Variants in EVC2 observed in about 807,000 individuals in gnomAD.
EVC2 encodes the protein EvC ciliary complex subunit 2.
EVC2 carries 148 observed loss-of-function variants against 149.3 expected under a neutral mutation model. The ratio of observed to expected loss-of-function variants is 0.99; its 90% confidence interval spans 0.87 to 1.14. The LOEUF (loss-of-function observed/expected upper bound fraction) is 1.14, where lower values mean the gene tolerates loss of function less well. EVC2 is among the 50% of genes most tolerant of loss of function. The probability of loss-of-function intolerance (pLI) is 0.00; values close to 1 mark genes in which losing one functional copy is unlikely to be tolerated. For synonymous variants in EVC2, 776 were observed against 649.9 expected (o/e 1.19, Z -2.95); for missense variants, 1,854 against 1,627.3 (o/e 1.14, Z -2.40).
intron 9 of EVC2, among the ~76,000 whole-genome samples, chr4:5,641,253 G>C (rs1452400804): frequency 6.6e-6 from 1 of 151,702 alleles, no homozygotes; most frequent in Non-Finnish European, 1.5e-5. Flanking sequence ...GAATCCCAGA[G>C]CAAAAAAAAG....
intron 5 of EVC2, among the ~76,000 whole-genome samples, chr4:5,688,147 G>C (rs4689277): frequency 0.61 from 92,869 of 151,980 alleles, 28,571 homozygotes; most frequent in Non-Finnish European, 0.64. Context: ...TCATTTAAAT[G>C]AGAGCCAGCA....
At chr4:5,568,295 A>C in intron 20 of EVC2, 149 bp downstream of exon 20, 3 of 857,432 alleles carry the variant, frequency 3.5e-6, no homozygotes, top group Non-Finnish European at 5.2e-6. Context: ...GGGTGAACTT[A>C]TTTTCTTAAG....
At position 5,567,679 on chromosome 4, in the gene EVC2, C is replaced by T. The variant is rs1285442482; in HGVS notation, c.3557+765G>A. Among the ~76,000 whole-genome samples the T allele has an allele frequency of 6.6e-6, 1 of 151,910 alleles. No homozygotes were observed. The highest frequency in any genetic ancestry group is 1.5e-5 in the Non-Finnish European group (1 of 67,996). On this transcript the variant is annotated intron_variant, in intron 20 of 21. Transcript: ENST00000344408. The surrounding 1 kb of genome is among the most constrained non-coding windows in gnomAD (Gnocchi z 4.4). ...ACCAAATTCACACCTGGGGCCCCAT[C>T]CTAAAGGAGACTGTCTATGCAGAGT...
intron 9 of EVC2, among the ~76,000 whole-genome samples, chr4:5,646,588 G>C (rs1285491959): frequency 2.0e-5 from 3 of 152,170 alleles, no homozygotes; most frequent in Admixed American, 6.5e-5. Flanking sequence ...AAAGTTCATA[G>C]AGATGTATAA....
At chr4:5,533,095 T>C in the EVC2 span, among the ~76,000 whole-genome samples, 2 of 149,530 alleles carry the variant, frequency 1.3e-5, no homozygotes, top group Admixed American at 6.7e-5. Flanking sequence ...GTCATTGTGG[T>C]GGAGGGAGAC....
chr4:5,678,273 C>T (rs570410226), intron 7 of EVC2, among the ~76,000 whole-genome samples: 1 of 152,296 alleles, frequency 6.6e-6, no homozygotes, highest in South Asian at 2.1e-4. Context: ...ACGTGGCCAG[C>T]CCCCAGTGAA....
chr4:5,680,684 T>C (rs1720280864), intron 7 of EVC2, among the ~76,000 whole-genome samples: 1 of 152,222 alleles, frequency 6.6e-6, no homozygotes, highest in African/African-American at 2.4e-5. Context: ...ATAGAATCTG[T>C]CTCACAAGAC....
rs1288009416 is a variant in EVC2 at position 5,708,414 on chromosome 4, T to G, written c.100A>C (p.Ser34Arg). ...ALGGRGCLGA[S>R]SRPRWRPLGA... ...AGGGGGCGCCAGCGGGGACGTGAGC[T>G]GGCGCCGAGACAGCCTCGGCCCCCC... Residue 34 changes from serine to arginine, a missense_variant, in exon 1 of 22, where the codon AGC becomes CGC. By Grantham distance (110) the Ser-to-Arg change is moderately radical. Coordinates refer to ENST00000344408, the MANE Select transcript of EVC2 (RefSeq NM_147127.5). The G allele has an allele frequency of 6.7e-7, 1 of 1,501,920 alleles. No homozygotes were observed. Among genetic ancestry groups the G allele is most frequent in the Admixed American group, 2.1e-5 (1 of 47,708 alleles). 93.0% of individuals were successfully genotyped at this position (1,501,920 alleles called of 1,614,324 possible). A position where few individuals can be genotyped will look rare whatever the true frequency, so the allele number is the denominator to read the frequency against.
At chr4:5,541,955 A>G (rs1229210849), downstream of EVC2, among the ~76,000 whole-genome samples, 1 of 152,146 alleles carries the variant, frequency 6.6e-6, no homozygotes, top group Non-Finnish European at 1.5e-5. Flanking sequence ...CCCTAATTTC[A>G]ATGTGATGGC....
Position 5,659,529 on chromosome 4 carries a change from G to A in EVC2, c.1145+3578C>T, listed in dbSNP as rs369219768. On this transcript the variant is annotated intron_variant, in intron 9 of 21. Coordinates refer to ENST00000344408, the MANE Select transcript of EVC2 (RefSeq NM_147127.5). Reference sequence around the variant, plus strand: ...GGGAGGATGGGAGGCTGGGGGAGAGGAAGAGAGGAATGAATTTAGCTCACA... The same window carrying A: ...GGGAGGATGGGAGGCTGGGGGAGAGAAAGAGAGGAATGAATTTAGCTCACA... 2.0e-4 allele frequency among the ~76,000 whole-genome samples: 31 copies of A among 152,218 alleles called. 1 individual carries two copies. The Middle Eastern group carries it at 0.024, about 117-fold the overall frequency.
chr4:5,628,038 A>G (rs1241826947), intron 12 of EVC2, among the ~76,000 whole-genome samples: 2 of 152,224 alleles, frequency 1.3e-5, no homozygotes, highest in Non-Finnish European at 2.9e-5. Context: ...ACTATTGCAT[A>G]TGCTTTTAAA....
At chr4:5,661,727 C>T (rs1299009214) in intron 9 of EVC2, among the ~76,000 whole-genome samples, 1 of 152,236 alleles carries the variant, frequency 6.6e-6, no homozygotes, top group Non-Finnish European at 1.5e-5. Flanking sequence ...TAGACTGTGA[C>T]CCATGTGTCC....
At chr4:5,602,781 T>TA (rs1156511603) in intron 16 of EVC2, among the ~76,000 whole-genome samples, 1 of 152,066 alleles carries the variant, frequency 6.6e-6, no homozygotes, top group African/African-American at 2.4e-5. Flanking sequence ...GAGAGTAAAA[T>TA]AGAGTAAATC....
At chr4:5,642,963 C>T (rs1248837093) in intron 9 of EVC2, among the ~76,000 whole-genome samples, 1 of 152,234 alleles carries the variant, frequency 6.6e-6, no homozygotes, top group Non-Finnish European at 1.5e-5. Flanking sequence ...GAACACCTCA[C>T]TGAGCATCTT....
At chr4:5,708,563 G>A, upstream of EVC2, 1 of 1,302,518 alleles carries the variant, frequency 7.7e-7, no homozygotes, top group South Asian at 1.7e-5. Context: ...CCGAGTCGCT[G>A]GAGCTTCCGG....
At chr4:5,688,005 T>C (rs927860722) in intron 5 of EVC2, among the ~76,000 whole-genome samples, 7 of 152,208 alleles carry the variant, frequency 4.6e-5, no homozygotes, top group African/African-American at 1.7e-4. Flanking sequence ...GCTGCATCTA[T>C]GCTCTGCTCG....
chr4:5,563,018 C>T lies in EVC2; in HGVS notation c.3757G>A (p.Ala1253Thr), dbSNP rs745540572. 1.2e-5 allele frequency: 19 copies of T among 1,614,078 alleles called. No homozygotes were observed. In the East Asian group the frequency reaches 4.2e-4, roughly 36 times the overall value. Residue 1253 changes from alanine (A) to threonine (T), a missense_variant, in exon 22 of 22, where the codon GCC becomes ACC. Ala to Thr is a moderately conservative substitution (Grantham distance 58). Transcript: ENST00000344408. The part of the protein sequence containing the change: ...HLSLEPIGEL[A>T]PVPIVGAETI... Reference sequence around the variant, plus strand: ...TCTGCCCCTACAATGGGTACAGGGGCCAGTTCGCCAATGGGCTCCAGTGAC... The same window carrying T: ...TCTGCCCCTACAATGGGTACAGGGGTCAGTTCGCCAATGGGCTCCAGTGAC...
At chr4:5,565,853 C>A (rs955409647) in intron 20 of EVC2, among the ~76,000 whole-genome samples, 5 of 152,132 alleles carry the variant, frequency 3.3e-5, no homozygotes, top group Non-Finnish European at 5.9e-5. Flanking sequence ...CAACCTCTGC[C>A]CTCAAGGGGC....
In EVC2 at chr4:5,585,355, T is replaced by A. The variant is rs143783352; in HGVS notation, c.2830-505A>T. Among the ~76,000 whole-genome samples the A allele has an allele frequency of 2.6e-4, 40 of 152,276 alleles. No individual in the cohort carries two copies. The East Asian group carries it at 7.6e-3, about 29-fold the overall frequency. On this transcript the variant is annotated intron_variant, in intron 16 of 21. Transcript: ENST00000344408. ...TTTGTGCTCTTTGCAGTGATTGAAA[T>A]GTCCTCCCATTCTCCCTTCCTGAAA...
Sources: gnomAD v4.1 joint callset for allele counts (sites outside exome capture counted in the v4.1 genomes callset) on GRCh38, gnomAD v4.1.1 for gene constraint, Gnocchi (gnomAD v3.1) non-coding constraint, MANE v1.5 for transcripts, NCBI Gene and HGNC (gene_info 2026-07-23, HGNC 2026-07-21) for gene names.